The following GOLIM4 variants were observed in gnomAD, a reference collection of about 807,000 sequenced individuals.
GOLIM4 encodes golgi integral membrane protein 4.
Under a neutral mutation model 107.4 loss-of-function variants are expected in GOLIM4, and 71 were observed. That is an observed-to-expected ratio of 0.66 (90% confidence interval 0.55 to 0.81). The LOEUF is 0.81. Ranked by LOEUF, GOLIM4 falls within the 30% of genes least tolerant of loss-of-function variation. The pLI, the probability that GOLIM4 is intolerant of heterozygous loss-of-function variation, is 0.00. For missense variants in GOLIM4, 830 were observed against 826.1 expected (o/e 1.00, Z -0.06); for synonymous variants, 327 against 294.8 (o/e 1.11, Z -1.12).
intron 1 of GOLIM4, among the ~76,000 whole-genome samples, chr3:168,059,116 TG>T (rs557453781): frequency 8.5e-4 from 130 of 152,306 alleles, no homozygotes; most frequent in African/African-American, 3.0e-3. Context: ...TTTTCAAAAT[TG>T]ATGTGCTTGA....
intron 1 of GOLIM4, among the ~76,000 whole-genome samples, chr3:168,081,658 T>C (rs1399470419): frequency 3.9e-5 from 6 of 152,276 alleles, no homozygotes; most frequent in African/African-American, 1.4e-4. Flanking sequence ...TGACTTCTGC[T>C]TCCTTAAATT....
intron 1 of GOLIM4, among the ~76,000 whole-genome samples, chr3:168,060,978 G>A (rs753589386): frequency 3.3e-5 from 5 of 152,166 alleles, no homozygotes; most frequent in Non-Finnish European, 7.4e-5. Context: ...AGAAAGAGTA[G>A]AGGTTAATGG....
intron 1 of GOLIM4, among the ~76,000 whole-genome samples, chr3:168,089,769 C>CT (rs558179583): frequency 0.16 from 21,401 of 137,850 alleles, 2,476 homozygotes; most frequent in African/African-American, 0.32. Context: ...ATGTTTCTCT[C>CT]TTTTTTTTTT....
At chr3:168,055,198 G>A (rs1719875307) in intron 1 of GOLIM4, among the ~76,000 whole-genome samples, 1 of 152,148 alleles carries the variant, frequency 6.6e-6, no homozygotes, top group African/African-American at 2.4e-5. Context: ...AACAAGCAGA[G>A]GCTGTAACAG....
chr3:168,054,229 C>T (rs1719806558), intron 1 of GOLIM4, among the ~76,000 whole-genome samples: 1 of 152,220 alleles, frequency 6.6e-6, no homozygotes, highest in Non-Finnish European at 1.5e-5. Context: ...CCCACACATT[C>T]AAGGCCCAGG....
intron 7 of GOLIM4, among the ~76,000 whole-genome samples, chr3:168,039,350 C>A (rs1190395151): frequency 6.6e-6 from 1 of 151,530 alleles, no homozygotes; most frequent in Non-Finnish European, 1.5e-5. Context: ...GCAGCCTCCG[C>A]CCCGCTGGGT....
At position 168,024,967 on chromosome 3, in the gene GOLIM4, A is replaced by T. The variant is rs752041923; in HGVS notation, c.1752T>A (p.Asn584Lys). Residue 584 changes from asparagine to lysine, a missense_variant, in exon 13 of 16, where the codon AAT becomes AAA. Physicochemically the swap from Asn to Lys is moderately conservative, Grantham distance 94 (BLOSUM62 0). Coordinates refer to ENST00000470487, the MANE Select transcript of GOLIM4 (RefSeq NM_014498.5). Reference sequence around the variant, plus strand: ...CCACTTCTGTATTCTCTTGCTTTTGATTACTTTGTTTTTGCTCTTCATTTT... The same window carrying T: ...CCACTTCTGTATTCTCTTGCTTTTGTTTACTTTGTTTTTGCTCTTCATTTT... ...PDENEEQKQSNQKQENTEVEE... is the reference protein window; with the variant it reads ...PDENEEQKQSKQKQENTEVEE... 6.2e-7 allele frequency: 1 copy of T among 1,613,928 alleles called. No individual in the cohort carries two copies. The highest frequency in any genetic ancestry group is 1.1e-5 in the South Asian group (1 of 91,068).
At chr3:168,040,006 A>G (rs1718891564) in intron 7 of GOLIM4, among the ~76,000 whole-genome samples, 1 of 152,170 alleles carries the variant, frequency 6.6e-6, no homozygotes, top group Admixed American at 6.5e-5. Flanking sequence ...GAAAACCAAC[A>G]TGGGTTTCCT....
At chr3:168,038,009 T>C (rs1464486285) in intron 7 of GOLIM4, among the ~76,000 whole-genome samples, 1 of 152,206 alleles carries the variant, frequency 6.6e-6, no homozygotes, top group African/African-American at 2.4e-5. Context: ...CCACCAGCAT[T>C]CCTGCTGCCA....
At chr3:168,094,510 G>C (rs1425457865) in intron 1 of GOLIM4, among the ~76,000 whole-genome samples, 2 of 152,166 alleles carry the variant, frequency 1.3e-5, no homozygotes, top group Admixed American at 6.5e-5. Context: ...CATCTCTAAA[G>C]ACATCCTATT....
chr3:168,043,366 G>A lies in GOLIM4; in HGVS notation c.517+13C>T, dbSNP rs1438226219. ...TATTTAGAGATAAACTGGCTAATCA[G>A]ATTTCCAAATACCTTTTAGCTTAGA... On this transcript the variant is annotated intron_variant, in intron 5 of 15. Transcript: ENST00000470487. The A allele has an allele frequency of 1.9e-6, 3 of 1,585,770 alleles. No individual in the cohort carries two copies. The highest frequency in any genetic ancestry group is 1.7e-6 in the Non-Finnish European group (2 of 1,163,714).
Position 168,095,253 on chromosome 3 carries a change from C to T in GOLIM4, c.33G>A (p.Lys11=). ...GCAGCAGCAGCGTCTGGAAAATCCGCTTCTGCTTTCGGGAGCACATCCCGT... is the reference window on the plus strand; with the variant it reads ...GCAGCAGCAGCGTCTGGAAAATCCGTTTCTGCTTTCGGGAGCACATCCCGT... The part of the protein sequence containing the change: MGNGMCSRKQ[K]RIFQTLLLLT... The change falls in exon 1 of 16, where the codon AAG becomes AAA. Residue 11 remains lysine (K), a synonymous_variant. Transcript: ENST00000470487. 4.3e-6 allele frequency: 7 copies of T among 1,613,436 alleles called. No individual in the cohort carries two copies. The highest frequency in any genetic ancestry group is 2.2e-5 in the South Asian group (2 of 91,062).
intron 1 of GOLIM4, among the ~76,000 whole-genome samples, chr3:168,085,755 C>CGTTG (rs1721586218): frequency 1.3e-5 from 2 of 152,194 alleles, no homozygotes; most frequent in Non-Finnish European, 2.9e-5. Context: ...AGACCTACTA[C>CGTTG]AGGAGCACTT....
intron 1 of GOLIM4, among the ~76,000 whole-genome samples, chr3:168,056,384 G>A (rs1719974226): frequency 1.3e-5 from 2 of 152,228 alleles, no homozygotes; most frequent in Non-Finnish European, 1.5e-5. Flanking sequence ...CCTCTGCTAG[G>A]TCAGTGTGGA....
rs755995990 is a variant in GOLIM4, at chr3:168,041,483, G to C, written c.518-9C>G. On this transcript the variant is annotated splice_polypyrimidine_tract_variant and intron_variant, in intron 5 of 15. Transcript: ENST00000470487. ...CAAATTGTATACAGTCTCTATTTTAGAAAAAGAAGGATCACACATAAAGCC... is the reference window on the plus strand; with the variant it reads ...CAAATTGTATACAGTCTCTATTTTACAAAAAGAAGGATCACACATAAAGCC... 3 of 1,329,542 alleles carry C rather than the reference G, an allele frequency of 2.3e-6. No individual in the cohort carries two copies. The Admixed American group carries it at 5.1e-5, about 23-fold the overall frequency. 82.4% of individuals were successfully genotyped at this position (1,329,542 alleles called of 1,614,324 possible).
chr3:168,090,112 A>G (rs1577583389), intron 1 of GOLIM4, among the ~76,000 whole-genome samples: 1 of 152,162 alleles, frequency 6.6e-6, no homozygotes, highest in East Asian at 1.9e-4. Flanking sequence ...TTGAAAGCAA[A>G]GAAGTAACCA....
intron 1 of GOLIM4, among the ~76,000 whole-genome samples, chr3:168,087,866 C>G (rs374382378): frequency 2.0e-4 from 30 of 152,130 alleles, no homozygotes; most frequent in African/African-American, 7.2e-4. Context: ...TAGCATTGAA[C>G]CCGAACATGG....
chr3:168,031,397 T>C (rs1035984479), intron 9 of GOLIM4, among the ~76,000 whole-genome samples: 4 of 152,148 alleles, frequency 2.6e-5, no homozygotes, highest in African/African-American at 9.7e-5. Context: ...ATGTGATGGG[T>C]TATCTAGATT....
intron 1 of GOLIM4, among the ~76,000 whole-genome samples, chr3:168,086,686 G>A (rs762346161): frequency 6.6e-6 from 1 of 152,170 alleles, no homozygotes; most frequent in Non-Finnish European, 1.5e-5. Context: ...CGGCTATAGA[G>A]AGCAATTTAT....
Sources: allele counts gnomAD v4.1 joint callset (sites outside exome capture counted in the v4.1 genomes callset), GRCh38; gene constraint gnomAD v4.1.1; transcripts MANE v1.5; gene names NCBI Gene and HGNC (gene_info 2026-07-23, HGNC 2026-07-21).